The following C1GALT1 variants were observed in gnomAD, a reference collection of about 807,000 sequenced individuals.
C1GALT1 encodes the protein core 1 synthase, glycoprotein-N-acetylgalactosamine 3-beta-galactosyltransferase 1.
In C1GALT1, 11 loss-of-function variants were observed where a neutral mutation model predicts 31.0. The observed-to-expected ratio is 0.36, with a 90% CI of 0.22 to 0.59. The LOEUF (loss-of-function observed/expected upper bound fraction) is 0.59, where lower values mean the gene tolerates loss of function less well. C1GALT1 is among the 20% of genes least tolerant of loss of function. The probability of loss-of-function intolerance (pLI) is 0.79; values close to 1 mark genes in which losing one functional copy is unlikely to be tolerated. For missense variants in C1GALT1, 424 were observed against 425.2 expected (o/e 1.00, Z 0.03); for synonymous variants, 175 against 143.6 (o/e 1.22, Z -1.56).
intron 2 of C1GALT1, among the ~76,000 whole-genome samples, chr7:7,167,890 G>T (rs1327743450): frequency 6.6e-6 from 1 of 152,044 alleles, no homozygotes; most frequent in Non-Finnish European, 1.5e-5. Context: ...CTGAAGGCTT[G>T]GTTAGCTTCG....
chr7:7,235,571 A>C (rs1783298076), intron 2 of C1GALT1, among the ~76,000 whole-genome samples: 1 of 152,232 alleles, frequency 6.6e-6, no homozygotes. Flanking sequence ...AATTGGAGGC[A>C]GAGTTCCCTA....
chr7:7,173,568 C>CA (rs1199533179), intron 2 of C1GALT1, among the ~76,000 whole-genome samples: 1 of 152,026 alleles, frequency 6.6e-6, no homozygotes, highest in African/African-American at 2.4e-5. Context: ...TTTATTTATC[C>CA]ATTTACCTTG....
At chr7:7,166,580 G>A (rs989923928) in intron 2 of C1GALT1, among the ~76,000 whole-genome samples, 10 of 152,108 alleles carry the variant, frequency 6.6e-5, no homozygotes, top group African/African-American at 2.4e-4. Context: ...AGTTTCATGG[G>A]TGTATACATA....
Position 7,221,017 on chromosome 7 carries a change from C to T in C1GALT1, c.-17-13286C>T, listed in dbSNP as rs1224560397. On this transcript the variant is annotated intron_variant, in intron 1 of 3. Coordinates refer to ENST00000436587, the MANE Select transcript of C1GALT1 (RefSeq NM_020156.5). ...CTGAAAGTTTGCAGGATGGCTTTGA[C>T]CCACGCGTCCTGAGGTTTCATGATA... Among the ~76,000 whole-genome samples, 3 of 152,108 alleles carry T rather than the reference C, an allele frequency of 2.0e-5. No individual in the cohort carries two copies. The East Asian group carries it at 5.8e-4, about 29-fold the overall frequency.
rs373081677 is a variant in C1GALT1 at position 7,194,132 on chromosome 7, C to T, written c.-18+11312C>T. On this transcript the variant is annotated intron_variant, in intron 1 of 3. Coordinates refer to ENST00000436587, the MANE Select transcript of C1GALT1 (RefSeq NM_020156.5). Reference sequence around the variant, plus strand: ...ATATCATCAGCAAACAGCAACAGTTCGACTTCCTCTTTACTGATTTGATGC... The same window carrying T: ...ATATCATCAGCAAACAGCAACAGTTTGACTTCCTCTTTACTGATTTGATGC... Among the ~76,000 whole-genome samples, 23 of 152,026 alleles carry T rather than the reference C, an allele frequency of 1.5e-4. No homozygotes were observed. The East Asian group carries it at 3.1e-3, about 20-fold the overall frequency.
chr7:7,195,756 C>T (rs888649666), intron 1 of C1GALT1, among the ~76,000 whole-genome samples: 1 of 151,988 alleles, frequency 6.6e-6, no homozygotes, highest in Non-Finnish European at 1.5e-5. Flanking sequence ...TGTCTAGTGC[C>T]GTCAGTGGAG....
intron 2 of C1GALT1, among the ~76,000 whole-genome samples, chr7:7,235,932 C>G (rs944368676): frequency 6.6e-6 from 1 of 152,194 alleles, no homozygotes; most frequent in African/African-American, 2.4e-5. Context: ...ATTTCCGATT[C>G]AGGCCTTCAG....
chr7:7,215,704 G>A (rs1163428300), intron 1 of C1GALT1, among the ~76,000 whole-genome samples: 1 of 146,930 alleles, frequency 6.8e-6, no homozygotes, highest in Non-Finnish European at 1.5e-5. Flanking sequence ...CCCTTTTGGC[G>A]TACTGTAGGA....
chr7:7,217,631 G>T (rs1782305436), intron 1 of C1GALT1, among the ~76,000 whole-genome samples: 1 of 152,306 alleles, frequency 6.6e-6, no homozygotes, highest in East Asian at 1.9e-4. Context: ...AACTTAAGAG[G>T]TGTAGGCATG....
chr7:7,223,904 T>C (rs889327907), intron 1 of C1GALT1, among the ~76,000 whole-genome samples: 1 of 152,200 alleles, frequency 6.6e-6, no homozygotes, highest in African/African-American at 2.4e-5. Context: ...CTGTTAGTTT[T>C]TGATACTTGT....
chr7:7,241,737 CTCTATT>C (rs1783638728), intron 3 of C1GALT1, among the ~76,000 whole-genome samples: 1 of 151,812 alleles, frequency 6.6e-6, no homozygotes, highest in Non-Finnish European at 1.5e-5. Context: ...TAACTGAATT[CTCTATT>C]TCTGATGATT....
At chr7:7,195,049 G>A (rs1162994248) in intron 1 of C1GALT1, among the ~76,000 whole-genome samples, 9 of 151,942 alleles carry the variant, frequency 5.9e-5, no homozygotes, top group Non-Finnish European at 8.8e-5. Flanking sequence ...GAGCTTATTT[G>A]GATCTTCTTT....
rs1782128927 is a variant in C1GALT1, at chr7:7,214,157, AAC to A, written c.-17-20142_-17-20141del. ...GTAATTTGATACCCCCCAAACTTAA[AAC>A]ACAGTAGATAACACAATGCAAAACA... On this transcript the variant is annotated intron_variant, in intron 1 of 3. Coordinates refer to ENST00000436587, the MANE Select transcript of C1GALT1 (RefSeq NM_020156.5). 4.6e-5 allele frequency among the ~76,000 whole-genome samples: 7 copies of A among 152,166 alleles called. No individual in the cohort carries two copies. In the South Asian group the frequency reaches 1.4e-3, roughly 31 times the overall value.
intron 2 of C1GALT1, among the ~76,000 whole-genome samples, chr7:7,170,738 T>C (rs182283253): frequency 3.3e-4 from 51 of 152,310 alleles, no homozygotes; most frequent in African/African-American, 1.2e-3. Flanking sequence ...GCCAAGATCA[T>C]GCCACTGCAC....
rs527385957 is a variant in C1GALT1, at chr7:7,239,876, T to C, written c.888+954T>C. Among the ~76,000 whole-genome samples the C allele has an allele frequency of 8.9e-4, 135 of 152,302 alleles. 1 individual carries two copies. The highest frequency in any genetic ancestry group is 2.9e-3 in the African/African-American group (121 of 41,570). ...TTGCCCTTTTCACACAACATTGAGATTTATCAATGTTAATTACATGTCTGC... is the reference window on the plus strand; with the variant it reads ...TTGCCCTTTTCACACAACATTGAGACTTATCAATGTTAATTACATGTCTGC... On this transcript the variant is annotated intron_variant, in intron 3 of 3. Coordinates refer to ENST00000436587, the MANE Select transcript of C1GALT1 (RefSeq NM_020156.5).
At chr7:7,188,039 GAGTCA>G (rs1021197199) in intron 1 of C1GALT1, among the ~76,000 whole-genome samples, 14 of 152,158 alleles carry the variant, frequency 9.2e-5, no homozygotes, top group African/African-American at 3.4e-4. Flanking sequence ...GATAGCACTT[GAGTCA>G]GAGAGGTTAG....
chr7:7,167,237 A>C (rs1053720316), intron 2 of C1GALT1, among the ~76,000 whole-genome samples: 2 of 152,220 alleles, frequency 1.3e-5, no homozygotes, highest in African/African-American at 4.8e-5. Flanking sequence ...GTGTACAGAT[A>C]AATTGAGAGC....
At chr7:7,189,585 ATC>A (rs71873192) in intron 1 of C1GALT1, among the ~76,000 whole-genome samples, 27,342 of 151,920 alleles carry the variant, frequency 0.18, 2,982 homozygotes, top group East Asian at 0.36. Context: ...TTGGTTAACT[ATC>A]TTTTTTATTA....
At chr7:7,222,883 G>A (rs899947967) in intron 1 of C1GALT1, among the ~76,000 whole-genome samples, 1 of 134,728 alleles carries the variant, frequency 7.4e-6, no homozygotes, top group Non-Finnish European at 1.5e-5. Context: ...AATTCAATCT[G>A]TATGACAGGT....
Sources: gnomAD v4.1 joint callset for allele counts (sites outside exome capture counted in the v4.1 genomes callset) on GRCh38, gnomAD v4.1.1 for gene constraint, MANE v1.5 for transcripts, NCBI Gene and HGNC (gene_info 2026-07-23, HGNC 2026-07-21) for gene names.